Variants in HECW1 observed in about 807,000 individuals in gnomAD.
HECW1 encodes the protein E3 ubiquitin-protein ligase HECW1.
In HECW1, 61 loss-of-function variants were observed where a neutral mutation model predicts 182.3. The ratio of observed to expected loss-of-function variants is 0.33; its 90% confidence interval spans 0.27 to 0.41. The LOEUF is 0.41. Ranked by LOEUF, HECW1 falls within the 10% of genes least tolerant of loss-of-function variation. The probability of loss-of-function intolerance (pLI) is 1.00; values close to 1 mark genes in which losing one functional copy is unlikely to be tolerated. For synonymous variants in HECW1, 859 were observed against 832.6 expected (o/e 1.03, Z -0.55); for missense variants, 1,739 against 2,108.9 (o/e 0.82, Z 3.44).
intron 3 of HECW1, among the ~76,000 whole-genome samples, chr7:43,251,717 G>A (rs561090152): frequency 6.6e-6 from 1 of 152,312 alleles, no homozygotes; most frequent in South Asian, 2.1e-4. Context: ...TTAAAACCCA[G>A]CCGATGCTCT....
At chr7:43,367,157 T>A (rs570329846) in intron 6 of HECW1, among the ~76,000 whole-genome samples, 3 of 152,370 alleles carry the variant, frequency 2.0e-5, no homozygotes, top group African/African-American at 7.2e-5. Context: ...TCATTTCCAG[T>A]TCTGATTTTG....
rs374797253 is a variant in HECW1 at position 43,427,139 on chromosome 7, G to T, written c.802-10864G>T. ...CTCAAATGAGAGTTTTGTGGACATA[G>T]AACTCTAGGTTGACAGTTATTTTTC... On this transcript the variant is annotated intron_variant, in intron 8 of 29. Coordinates refer to ENST00000395891, the MANE Select transcript of HECW1 (RefSeq NM_015052.5). 5.3e-5 allele frequency among the ~76,000 whole-genome samples: 8 copies of T among 152,190 alleles called. No individual in the cohort carries two copies. In the East Asian group the frequency reaches 1.5e-3, roughly 29 times the overall value.
intron 8 of HECW1, among the ~76,000 whole-genome samples, chr7:43,424,752 C>T (rs190619324): frequency 2.1e-4 from 32 of 152,202 alleles, no homozygotes; most frequent in African/African-American, 3.1e-4. Context: ...TTTGTCACAA[C>T]GGAATTACTG....
At chr7:43,353,784 G>A (rs374354745) in intron 5 of HECW1, among the ~76,000 whole-genome samples, 1 of 152,158 alleles carries the variant, frequency 6.6e-6, no homozygotes, top group Non-Finnish European at 1.5e-5. Flanking sequence ...CTCAACCCAC[G>A]AGAAGCATTG....
At chr7:43,364,725 T>C (rs1259163604) in intron 6 of HECW1, among the ~76,000 whole-genome samples, 1 of 152,264 alleles carries the variant, frequency 6.6e-6, no homozygotes, top group Non-Finnish European at 1.5e-5. Context: ...GTTTAAAGAA[T>C]ATAGGACTTA....
chr7:43,381,577 C>T (rs1056073374), intron 6 of HECW1, among the ~76,000 whole-genome samples: 3 of 151,808 alleles, frequency 2.0e-5, no homozygotes, highest in African/African-American at 7.3e-5. Flanking sequence ...CAACCTCCAC[C>T]TCCCGGGTGA....
intron 26 of HECW1, among the ~76,000 whole-genome samples, chr7:43,549,450 T>C (rs2081708807): frequency 6.6e-6 from 1 of 152,244 alleles, no homozygotes; most frequent in African/African-American, 2.4e-5. Context: ...CTAAGTCCAG[T>C]GATGCCTCAT....
chr7:43,485,624 C>T (rs1393447036), intron 17 of HECW1, among the ~76,000 whole-genome samples: 1 of 152,104 alleles, frequency 6.6e-6, no homozygotes, highest in Non-Finnish European at 1.5e-5. Context: ...ATCCTGTAGG[C>T]AGTTGTAACA....
chr7:43,352,745 C>T (rs1374365082), intron 5 of HECW1, among the ~76,000 whole-genome samples: 2 of 152,204 alleles, frequency 1.3e-5, no homozygotes, highest in Non-Finnish European at 2.9e-5. Flanking sequence ...ATTGGCTATA[C>T]ATCATAGGAT....
intron 2 of HECW1, among the ~76,000 whole-genome samples, chr7:43,131,771 G>A (rs553522499): frequency 1.3e-5 from 2 of 152,324 alleles, no homozygotes; most frequent in East Asian, 3.9e-4. Context: ...TACTGGAGGT[G>A]GGCTCTTTGC....
At chr7:43,461,583 C>A (rs1452456535) in intron 13 of HECW1, among the ~76,000 whole-genome samples, 1 of 152,176 alleles carries the variant, frequency 6.6e-6, no homozygotes, top group African/African-American at 2.4e-5. Flanking sequence ...TGCTGGCAAC[C>A]CCTGCTTTCC....
intron 8 of HECW1, among the ~76,000 whole-genome samples, chr7:43,423,420 A>C (rs149160006): frequency 1.3e-5 from 2 of 152,328 alleles, no homozygotes; most frequent in Non-Finnish European, 2.9e-5. Context: ...GACTGGAGGT[A>C]CTGCCTCTTG....
At chr7:43,236,247 T>G (rs1584105667) in intron 2 of HECW1, among the ~76,000 whole-genome samples, 1 of 152,236 alleles carries the variant, frequency 6.6e-6, no homozygotes, top group East Asian at 1.9e-4. Flanking sequence ...TTATGATATA[T>G]TAAGTGATTA....
At chr7:43,482,519 A>G (rs1456107712) in intron 17 of HECW1, among the ~76,000 whole-genome samples, 1 of 152,236 alleles carries the variant, frequency 6.6e-6, no homozygotes, top group Non-Finnish European at 1.5e-5. Context: ...GAGTTAAGTA[A>G]CGAGAGAAAT....
chr7:43,416,233 G>A lies in HECW1; in HGVS notation c.801+8502G>A, dbSNP rs1381436271. 3.3e-5 allele frequency among the ~76,000 whole-genome samples: 5 copies of A among 150,684 alleles called. 1 individual carries two copies. The highest frequency in any genetic ancestry group is 1.2e-4 in the African/African-American group (5 of 40,144). On this transcript the variant is annotated intron_variant, in intron 8 of 29. Transcript: ENST00000395891. The stretch of plus-strand genomic sequence containing the variant: ...GTGTGGATGTCCTTTCTGTTTGTTA[G>A]TTTTCCTTCTAACAGACAGCACCCT...
chr7:43,438,587 CACTA>C (rs1167972053), intron 9 of HECW1: 2 of 152,402 alleles, frequency 1.3e-5, no homozygotes, highest in African/African-American at 2.4e-5. Flanking sequence ...ACTTAGAAGA[CACTA>C]GTATCTGCAG....
At chr7:43,132,882 G>A (rs1030610504) in intron 2 of HECW1, among the ~76,000 whole-genome samples, 4 of 151,998 alleles carry the variant, frequency 2.6e-5, no homozygotes, top group Admixed American at 2.6e-4. Context: ...TAAATAATGT[G>A]GTGAAAGAAG....
At chr7:43,203,018 C>T (rs118144171) in intron 2 of HECW1, among the ~76,000 whole-genome samples, 6,995 of 151,986 alleles carry the variant, frequency 0.046, 250 homozygotes, top group East Asian at 0.15. Flanking sequence ...GGACTCAGCC[C>T]GCCTGCCCCC....
chr7:43,114,482 T>G (rs1249746038), intron 2 of HECW1, 91 bp downstream of exon 2: 1 of 1,122,798 alleles, frequency 8.9e-7, no homozygotes, highest in Non-Finnish European at 1.2e-6. Context: ...GGTATGAATG[T>G]GTGTGCCTGT....
Sources: allele counts gnomAD v4.1 joint callset (sites outside exome capture counted in the v4.1 genomes callset), GRCh38; gene constraint gnomAD v4.1.1; transcripts MANE v1.5; gene names NCBI Gene and HGNC (gene_info 2026-07-23, HGNC 2026-07-21).